The following XRCC4 variants were observed in gnomAD, a reference collection of about 807,000 sequenced individuals.
XRCC4 encodes the protein DNA repair protein XRCC4.
XRCC4 carries 28 observed loss-of-function variants against 39.1 expected under a neutral mutation model. The observed-to-expected ratio is 0.72, with a 90% CI of 0.53 to 0.98. The LOEUF (loss-of-function observed/expected upper bound fraction) is 0.98, where lower values mean the gene tolerates loss of function less well. Among genes scored for constraint, XRCC4 ranks in the 50% least tolerant of loss-of-function variants. The pLI, the probability that XRCC4 is intolerant of heterozygous loss-of-function variation, is 0.00. For synonymous variants in XRCC4, 123 were observed against 126.4 expected, an observed-to-expected ratio of 0.97 and a Z score of 0.18; for missense variants, 350 against 376.4, an observed-to-expected ratio of 0.93 and a Z score of 0.58.
chr5:83,192,275 T>C (rs897600153), intron 3 of XRCC4, among the ~76,000 whole-genome samples: 7 of 146,970 alleles, frequency 4.8e-5, no homozygotes, highest in African/African-American at 1.7e-4. Context: ...TATGTATACA[T>C]ATATGTATAT....
chr5:83,096,920 C>T (rs971953616), intron 1 of XRCC4, among the ~76,000 whole-genome samples: 2 of 152,150 alleles, frequency 1.3e-5, no homozygotes, highest in African/African-American at 4.8e-5. Context: ...GCAATGGATG[C>T]ATATGACCTC....
intron 7 of XRCC4, chr5:83,280,372 G>C: frequency 1.9e-6 from 1 of 519,140 alleles, no homozygotes; most frequent in Non-Finnish European, 3.6e-6. Context: ...CATGTTTCTT[G>C]AATGTCTTAA....
intron 3 of XRCC4, among the ~76,000 whole-genome samples, chr5:83,143,245 T>C (rs1389148648): frequency 6.6e-6 from 1 of 152,150 alleles, no homozygotes; most frequent in Non-Finnish European, 1.5e-5. Context: ...TCTACCTTTA[T>C]ACTGAAAATA....
intron 7 of XRCC4, among the ~76,000 whole-genome samples, chr5:83,287,983 C>T (rs1754792364): frequency 6.6e-6 from 1 of 151,734 alleles, no homozygotes; most frequent in South Asian, 2.1e-4. Flanking sequence ...AGTTAGCTGA[C>T]TTGTATTTTA....
rs552735651 is a variant in XRCC4 at position 83,160,949 on chromosome 5, A to G, written c.316-34821A>G. Among the ~76,000 whole-genome samples the G allele has an allele frequency of 7.2e-5, 11 of 152,240 alleles. No individual in the cohort carries two copies. The South Asian group carries it at 1.7e-3, about 23-fold the overall frequency. The stretch of plus-strand genomic sequence containing the variant: ...TTTTCAGGCACTTAATATGGTGCTT[A>G]TGTGGGCCAGTTAATTATTCCAAGT... On this transcript the variant is annotated intron_variant, in intron 3 of 7. Transcript: ENST00000396027.
chr5:83,281,722 T>G (rs1321505433), intron 7 of XRCC4, among the ~76,000 whole-genome samples: 1 of 152,184 alleles, frequency 6.6e-6, no homozygotes, highest in Admixed American at 6.5e-5. Flanking sequence ...TGGCCTCATC[T>G]CTAACCACTT....
At chr5:83,158,239 G>A (rs2112574942) in intron 3 of XRCC4, among the ~76,000 whole-genome samples, 1 of 152,176 alleles carries the variant, frequency 6.6e-6, no homozygotes, top group East Asian at 1.9e-4. Context: ...TTAGGAGGAA[G>A]TGCAGACAAC....
At chr5:83,216,398 G>C (rs1222714433) in intron 6 of XRCC4, among the ~76,000 whole-genome samples, 2 of 152,132 alleles carry the variant, frequency 1.3e-5, no homozygotes, top group Admixed American at 1.3e-4. Flanking sequence ...TTAGAAAACT[G>C]TTTGGCAGTT....
chr5:83,346,995 GA>G (rs1174077788), intron 7 of XRCC4, among the ~76,000 whole-genome samples: 1 of 151,980 alleles, frequency 6.6e-6, no homozygotes, highest in African/African-American at 2.4e-5. Flanking sequence ...GCATGTTCAT[GA>G]AAAAAATATG....
intron 6 of XRCC4, among the ~76,000 whole-genome samples, chr5:83,242,162 T>TTGTG (rs60919474): frequency 0.04 from 5,854 of 145,332 alleles, 138 homozygotes; most frequent in Admixed American, 0.06. Flanking sequence ...CGTATACACA[T>TTGTG]TGTGTGTGTG....
chr5:83,352,380 T>A lies in XRCC4; in HGVS notation c.894-751T>A, dbSNP rs1437775260. ...ACCACTGACAAGGTTTCTACAAGGA[T>A]ATTAACACACACTCCACAGCTTTAC... On this transcript the variant is annotated intron_variant, in intron 7 of 7. Transcript: ENST00000396027. 4.0e-4 allele frequency among the ~76,000 whole-genome samples: 61 copies of A among 152,204 alleles called. 1 individual carries two copies. Among genetic ancestry groups the A allele is most frequent in the Admixed American group, 4.0e-3 (61 of 15,276 alleles).
chr5:83,173,423 C>T (rs541400556), intron 3 of XRCC4, among the ~76,000 whole-genome samples: 16 of 152,100 alleles, frequency 1.1e-4, no homozygotes, highest in Non-Finnish European at 2.2e-4. Context: ...AAATCTCTTG[C>T]CTGCTTAACT....
At chr5:83,372,979 C>T in the XRCC4 span, among the ~76,000 whole-genome samples, 2 of 152,160 alleles carry the variant, frequency 1.3e-5, no homozygotes, top group African/African-American at 2.4e-5. Flanking sequence ...TGCTCAATAG[C>T]ACAAGGCAGT....
chr5:83,148,746 G>A (rs16900193), intron 3 of XRCC4, among the ~76,000 whole-genome samples: 3,820 of 152,036 alleles, frequency 0.025, 68 homozygotes, highest in East Asian at 0.072. Flanking sequence ...AGTTTGTGAG[G>A]GGTGAAGGTA....
chr5:83,299,360 A>G (rs77268645), intron 7 of XRCC4, among the ~76,000 whole-genome samples: 5,977 of 152,184 alleles, frequency 0.039, 129 homozygotes, highest in East Asian at 0.1. Context: ...AAGCTTCGAC[A>G]TGATACAACA....
chr5:83,140,128 T>C (rs1748095411), intron 3 of XRCC4, among the ~76,000 whole-genome samples: 2 of 152,176 alleles, frequency 1.3e-5, no homozygotes, highest in African/African-American at 4.8e-5. Flanking sequence ...AGGATATATG[T>C]ATATATGAAA....
chr5:83,234,016 C>T (rs572414925), intron 6 of XRCC4, among the ~76,000 whole-genome samples: 1 of 152,082 alleles, frequency 6.6e-6, no homozygotes, highest in East Asian at 1.9e-4. Context: ...TCTACCAATA[C>T]CTTTGCTCAC....
chr5:83,210,763 G>T (rs1751613099), intron 6 of XRCC4, among the ~76,000 whole-genome samples: 1 of 152,148 alleles, frequency 6.6e-6, no homozygotes, highest in Admixed American at 6.5e-5. Flanking sequence ...ATGGTAGGTA[G>T]CTTGTGGAGA....
intron 6 of XRCC4, among the ~76,000 whole-genome samples, chr5:83,237,697 C>T (rs1752743186): frequency 6.6e-6 from 1 of 151,954 alleles, no homozygotes; most frequent in Admixed American, 6.6e-5. Flanking sequence ...TAGGAATGTA[C>T]TGTATATTTC....
Sources: gnomAD v4.1 joint callset for allele counts (sites outside exome capture counted in the v4.1 genomes callset) on GRCh38, gnomAD v4.1.1 for gene constraint, MANE v1.5 for transcripts, NCBI Gene and HGNC (gene_info 2026-07-23, HGNC 2026-07-21) for gene names.